Variants in ARHGAP24 observed in about 807,000 individuals in gnomAD.
ARHGAP24 encodes rho GTPase-activating protein 24.
ARHGAP24 carries 50 observed loss-of-function variants against 76.4 expected under a neutral mutation model. The observed-to-expected ratio is 0.65, with a 90% CI of 0.52 to 0.83. The LOEUF is 0.83. ARHGAP24 is among the 40% of genes least tolerant of loss of function. The pLI is 0.00. For synonymous variants in ARHGAP24, 345 were observed against 323.3 expected (o/e 1.07, Z -0.72); for missense variants, 930 against 914.2 (o/e 1.02, Z -0.22).
At chr4:85,752,786 C>G (rs971032330) in intron 3 of ARHGAP24, among the ~76,000 whole-genome samples, 1 of 152,136 alleles carries the variant, frequency 6.6e-6, no homozygotes, top group Non-Finnish European at 1.5e-5. Flanking sequence ...TTGTGTGTTA[C>G]GAGAGAAGAC....
At chr4:85,774,083 A>G (rs760936333) in intron 3 of ARHGAP24, among the ~76,000 whole-genome samples, 1 of 152,166 alleles carries the variant, frequency 6.6e-6, no homozygotes, top group African/African-American at 2.4e-5. Context: ...AGGGAAAGCC[A>G]TTCTCTTCCT....
intron 5 of ARHGAP24, among the ~76,000 whole-genome samples, chr4:85,948,378 T>A (rs1047151914): frequency 3.9e-5 from 6 of 152,176 alleles, no homozygotes; most frequent in African/African-American, 1.4e-4. Flanking sequence ...TCTTTTAATA[T>A]TTATATATGG....
At chr4:85,981,667 GT>G (rs1739675907) in intron 8 of ARHGAP24, among the ~76,000 whole-genome samples, 1 of 151,972 alleles carries the variant, frequency 6.6e-6, no homozygotes. Flanking sequence ...CTTTCTTCCT[GT>G]TTTTTCATTT....
chr4:85,558,583 TA>T (rs879359254), intron 1 of ARHGAP24, among the ~76,000 whole-genome samples: 169 of 145,128 alleles, frequency 1.2e-3, no homozygotes, highest in African/African-American at 1.2e-3. Context: ...CCTCAGATTC[TA>T]AAAAAAAAAA....
At chr4:85,722,589 C>G (rs17010705) in intron 3 of ARHGAP24, 6,719 of 156,742 alleles carry the variant, frequency 0.043, 447 homozygotes, top group African/African-American at 0.15. Flanking sequence ...TTCGTTTTTC[C>G]TAGTCATCTG....
intron 2 of ARHGAP24, among the ~76,000 whole-genome samples, chr4:85,625,971 C>T (rs1016415836): frequency 6.6e-5 from 10 of 152,060 alleles, no homozygotes; most frequent in Admixed American, 2.0e-4. Context: ...TGTCTCTGCA[C>T]GTGAGATGGG....
At chr4:85,754,180 A>C (rs1726384331) in intron 3 of ARHGAP24, among the ~76,000 whole-genome samples, 1 of 152,130 alleles carries the variant, frequency 6.6e-6, no homozygotes, top group Non-Finnish European at 1.5e-5. Context: ...AACAAGTGGT[A>C]TTTGTCTTTC....
chr4:85,496,006 A>G (rs906547826), intron 1 of ARHGAP24, among the ~76,000 whole-genome samples: 4 of 152,204 alleles, frequency 2.6e-5, no homozygotes, highest in Admixed American at 2.6e-4. Flanking sequence ...GCCTACTGTT[A>G]TCTTTGTTGT....
At chr4:85,981,928 T>C (rs1330458072) in intron 8 of ARHGAP24, among the ~76,000 whole-genome samples, 1 of 152,114 alleles carries the variant, frequency 6.6e-6, no homozygotes, top group East Asian at 1.9e-4. Context: ...TTGGGGATAT[T>C]CTATTTCCAG....
chr4:85,774,327 A>T (rs1180135119), intron 3 of ARHGAP24, among the ~76,000 whole-genome samples: 1 of 152,200 alleles, frequency 6.6e-6, no homozygotes, highest in African/African-American at 2.4e-5. Flanking sequence ...CAGAGCTTGG[A>T]TGGGAGATTT....
chr4:85,742,608 G>A (rs925353225), intron 3 of ARHGAP24, among the ~76,000 whole-genome samples: 21 of 152,182 alleles, frequency 1.4e-4, no homozygotes, highest in Admixed American at 3.9e-4. Context: ...CCACAATAAT[G>A]CCATTAAAAT....
rs770462159 is a variant in ARHGAP24, at chr4:85,923,755, G to A, written c.376G>A (p.Gly126Arg). ...GAAGTCAATCCGCCGAGTCATATGG[G>A]GACCTTTCGGAGGAGGTGAGTGTAC... Reference protein sequence around the residue: ...WVKSIRRVIWGPFGGGIFGQK... With the variant: ...WVKSIRRVIWRPFGGGIFGQK... Residue 126 changes from glycine to arginine, a missense_variant, in exon 4 of 10, where the codon GGA (glycine) becomes AGA (arginine). Physicochemically the swap from Gly to Arg is moderately radical, Grantham distance 125. Coordinates refer to ENST00000395184, the MANE Select transcript of ARHGAP24 (RefSeq NM_001025616.3). 1 of 1,613,966 alleles carries A rather than the reference G, an allele frequency of 6.2e-7. No individual in the cohort carries two copies. Among genetic ancestry groups the A allele is most frequent in the East Asian group, 2.2e-5 (1 of 44,866 alleles).
At chr4:85,818,977 A>G (rs753078244) in intron 3 of ARHGAP24, among the ~76,000 whole-genome samples, 1 of 152,132 alleles carries the variant, frequency 6.6e-6, no homozygotes, top group Non-Finnish European at 1.5e-5. Flanking sequence ...GTTTTGTTTT[A>G]AAGAGAAACG....
chr4:85,851,395 T>G (rs981503369), intron 3 of ARHGAP24, among the ~76,000 whole-genome samples: 1 of 152,218 alleles, frequency 6.6e-6, no homozygotes, highest in Non-Finnish European at 1.5e-5. Flanking sequence ...GTCTCGAATC[T>G]TTGTCCAGTT....
intron 3 of ARHGAP24, among the ~76,000 whole-genome samples, chr4:85,740,190 G>A (rs71599425): frequency 0.022 from 3,233 of 150,322 alleles, 59 homozygotes; most frequent in Non-Finnish European, 0.035. Flanking sequence ...ACCTACCTCC[G>A]ATCTGGGATA....
intron 2 of ARHGAP24, among the ~76,000 whole-genome samples, chr4:85,628,020 C>G (rs1009212417): frequency 6.6e-6 from 1 of 152,252 alleles, no homozygotes; most frequent in Admixed American, 6.5e-5. Flanking sequence ...ACCCCTTGCG[C>G]TTCCCAGGTG....
Position 85,991,470 on chromosome 4 carries a change from C to T in ARHGAP24, c.929-3113C>T, listed in dbSNP as rs548762441. The stretch of plus-strand genomic sequence containing the variant: ...TGGAAACAGACCAATTCTCCATCAG[C>T]TAGTGAATAGATAAACTGTGGCACA... On this transcript the variant is annotated intron_variant, in intron 8 of 9. Coordinates refer to ENST00000395184, the MANE Select transcript of ARHGAP24 (RefSeq NM_001025616.3). The T allele has an allele frequency of 2.6e-5, 4 of 152,254 alleles. No individual in the cohort carries two copies. The South Asian group carries it at 8.3e-4, about 32-fold the overall frequency. 9.4% of individuals were successfully genotyped at this position (152,254 alleles called of 1,614,324 possible).
chr4:85,754,307 C>T (rs928543611), intron 3 of ARHGAP24, among the ~76,000 whole-genome samples: 4 of 152,334 alleles, frequency 2.6e-5, no homozygotes, highest in African/African-American at 9.6e-5. Context: ...ACAGATATCA[C>T]ATTTTCTTTA....
intron 2 of ARHGAP24, among the ~76,000 whole-genome samples, chr4:85,625,472 G>A (rs1720909338): frequency 6.6e-6 from 1 of 152,098 alleles, no homozygotes; most frequent in South Asian, 2.1e-4. Context: ...TACATTTGCT[G>A]AGGAGAGTTT....
Sources: allele counts gnomAD v4.1 joint callset (sites outside exome capture counted in the v4.1 genomes callset), GRCh38; gene constraint gnomAD v4.1.1; transcripts MANE v1.5; gene names NCBI Gene and HGNC (gene_info 2026-07-23, HGNC 2026-07-21).